The following HLCS variants were observed in gnomAD, a reference collection of about 807,000 sequenced individuals.
HLCS encodes biotin--protein ligase.
Under a neutral mutation model 75.0 loss-of-function variants are expected in HLCS, and 53 were observed. That is an observed-to-expected ratio of 0.71 (90% CI 0.57 to 0.89). The LOEUF (loss-of-function observed/expected upper bound fraction) is 0.89. Ranked by LOEUF, HLCS falls within the 40% of genes least tolerant of loss-of-function variation. The probability of loss-of-function intolerance (pLI) is 0.00; values close to 1 mark genes in which losing one functional copy is unlikely to be tolerated. For synonymous variants in HLCS, 431 were observed against 428.6 expected (o/e 1.01, Z -0.07); for missense variants, 966 against 1,074.0 (o/e 0.90, Z 1.41).
intron 1 of HLCS, among the ~76,000 whole-genome samples, chr21:36,980,190 T>G (rs562477023): frequency 1.5e-5 from 2 of 133,540 alleles, no homozygotes; most frequent in Non-Finnish European, 3.2e-5. Flanking sequence ...AGACCCTGAC[T>G]ATATTTAAAA....
intron 9 of HLCS, among the ~76,000 whole-genome samples, chr21:36,758,470 G>GT (rs2089691651): frequency 6.6e-6 from 1 of 152,102 alleles, no homozygotes; most frequent in East Asian, 1.9e-4. Context: ...GGAGTGGAGT[G>GT]GCTCGATCAA....
At chr21:36,889,730 C>G (rs1351236179) in intron 6 of HLCS, among the ~76,000 whole-genome samples, 1 of 152,204 alleles carries the variant, frequency 6.6e-6, no homozygotes, top group African/African-American at 2.4e-5. Context: ...CTGTCCCAGA[C>G]ACAGACACAG....
At chr21:36,874,875 A>G (rs944662597) in intron 6 of HLCS, among the ~76,000 whole-genome samples, 2 of 151,822 alleles carry the variant, frequency 1.3e-5, no homozygotes, top group Admixed American at 6.6e-5. Context: ...TCGGGGGTCC[A>G]GGAAGCACCC....
intron 6 of HLCS, among the ~76,000 whole-genome samples, chr21:36,865,463 CAG>C (rs1007089525): frequency 6.6e-6 from 1 of 152,054 alleles, no homozygotes. Context: ...TTCAGAAAAA[CAG>C]AGAAAAGCTC....
intron 6 of HLCS, among the ~76,000 whole-genome samples, chr21:36,834,818 T>A (rs1032089576): frequency 1.3e-5 from 2 of 152,226 alleles, no homozygotes; most frequent in Admixed American, 6.5e-5. Context: ...CCTCCCATAG[T>A]GCTGGGATTA....
At chr21:36,945,803 G>A (rs761973668) in intron 2 of HLCS, among the ~76,000 whole-genome samples, 4 of 152,186 alleles carry the variant, frequency 2.6e-5, no homozygotes, top group Non-Finnish European at 5.9e-5. Context: ...TGAGTTTCAT[G>A]TGAATTATAT....
intron 1 of HLCS, among the ~76,000 whole-genome samples, chr21:36,981,825 G>C (rs2069127565): frequency 6.6e-6 from 1 of 152,176 alleles, no homozygotes; most frequent in Non-Finnish European, 1.5e-5. Context: ...AAGACTTGCA[G>C]CCTCTCCTTC....
intron 1 of HLCS, among the ~76,000 whole-genome samples, chr21:36,975,650 A>G (rs886174663): frequency 2.0e-5 from 3 of 152,156 alleles, no homozygotes; most frequent in African/African-American, 7.2e-5. Flanking sequence ...GCACGTGCCT[A>G]TAGCCCCAGC....
intron 6 of HLCS, among the ~76,000 whole-genome samples, chr21:36,773,930 A>C (rs2060280755): frequency 6.6e-6 from 1 of 152,250 alleles, no homozygotes. Flanking sequence ...CTTTCTAAAA[A>C]GTTAAAACGC....
chr21:36,950,490 AGG>A (rs1371291096), intron 2 of HLCS, among the ~76,000 whole-genome samples: 1 of 151,850 alleles, frequency 6.6e-6, no homozygotes, highest in Non-Finnish European at 1.5e-5. Flanking sequence ...AGAGGAAGAC[AGG>A]GTCTCACAGC....
intron 4 of HLCS, among the ~76,000 whole-genome samples, chr21:36,931,283 CAAAAAAAAAAAAAAA>C (rs57829948): frequency 1.3e-5 from 1 of 75,472 alleles, no homozygotes; most frequent in African/African-American, 5.4e-5. Flanking sequence ...AACTCCATCG[CAAAAAAAAAAAAAAA>C]AAAAAAAAAA....
At chr21:36,788,809 G>A (rs1363222649) in intron 6 of HLCS, among the ~76,000 whole-genome samples, 2 of 152,174 alleles carry the variant, frequency 1.3e-5, no homozygotes, top group Admixed American at 6.5e-5. Context: ...GTGCAGTCAC[G>A]TGCCAGAGCT....
chr21:36,919,733 A>G (rs926562638), intron 5 of HLCS, among the ~76,000 whole-genome samples: 2 of 152,204 alleles, frequency 1.3e-5, no homozygotes, highest in Non-Finnish European at 2.9e-5. Flanking sequence ...AAAATTAGAG[A>G]ATTAGCCTGA....
At chr21:36,809,939 G>T (rs1478175484) in intron 6 of HLCS, among the ~76,000 whole-genome samples, 2 of 152,088 alleles carry the variant, frequency 1.3e-5, no homozygotes, top group Non-Finnish European at 2.9e-5. Context: ...GGGTTTCCCT[G>T]TGTTGCCCAG....
chr21:36,978,492 C>G (rs2069004777), intron 1 of HLCS, among the ~76,000 whole-genome samples: 2 of 137,232 alleles, frequency 1.5e-5, no homozygotes, highest in Admixed American at 1.5e-4. Context: ...AGACTCCCAC[C>G]TCAAACAAAA....
intron 6 of HLCS, among the ~76,000 whole-genome samples, chr21:36,788,537 C>T (rs900621547): frequency 5.3e-5 from 8 of 152,168 alleles, no homozygotes; most frequent in South Asian, 2.1e-4. Context: ...CTTCTCATAA[C>T]GTTTTTTATG....
At position 36,749,218 on chromosome 21, in the gene HLCS, C is replaced by G. The variant is rs924408863; in HGVS notation, c.*5028G>C. On this transcript the variant is annotated 3_prime_UTR_variant, in exon 11 of 11. Transcript: ENST00000674895. ...TTTTATGGGTTTTGCTTAAAGATCT[C>G]AACATGGAAAAATCCTGTCATGGCT... The G allele has an allele frequency of 6.6e-5, 10 of 152,640 alleles. No homozygotes were observed. The highest frequency in any genetic ancestry group is 2.4e-4 in the African/African-American group (10 of 41,438). The allele number at this position is 152,640 out of a possible 1,614,324, so 9.5% of individuals were successfully genotyped here.
At chr21:36,853,143 C>A (rs1290468953) in intron 6 of HLCS, among the ~76,000 whole-genome samples, 2 of 152,136 alleles carry the variant, frequency 1.3e-5, no homozygotes, top group East Asian at 3.8e-4. Flanking sequence ...CAGTAAAACA[C>A]CTTCCCAAGA....
In HLCS at chr21:36,966,425, G is replaced by GGCGCCCCCC; in HGVS notation, c.195+18_195+19insGGGGGGCGC. On this transcript the variant is annotated intron_variant, in intron 1 of 10. Transcript: ENST00000674895. ...CCGGCTCGCGGGGCCCGGGTCGCCCGCCCGCCCGACCCGCCCACCTGGCTG... is the reference window on the plus strand; with the variant it reads ...CCGGCTCGCGGGGCCCGGGTCGCCCGGCGCCCCCCCCCGCCCGACCCGCCCACCTGGCTG... 6 of 195,438 alleles carry GGCGCCCCCC rather than the reference G, an allele frequency of 3.1e-5. No individual in the cohort carries two copies. Among genetic ancestry groups the GGCGCCCCCC allele is most frequent in the Non-Finnish European group, 5.1e-5 (6 of 116,690 alleles). 12.1% of individuals were successfully genotyped at this position (195,438 alleles called of 1,614,324 possible).
Sources: allele counts gnomAD v4.1 joint callset (sites outside exome capture counted in the v4.1 genomes callset), GRCh38; gene constraint gnomAD v4.1.1; transcripts MANE v1.5; gene names NCBI Gene and HGNC (gene_info 2026-07-23, HGNC 2026-07-21).